Variants in ACVR1 observed in about 807,000 individuals in gnomAD.
ACVR1 encodes activin receptor type-1.
ACVR1 carries 38 observed loss-of-function variants against 57.1 expected under a neutral mutation model. The observed-to-expected ratio is 0.67, with a 90% CI of 0.51 to 0.87. The LOEUF is 0.87. ACVR1 is among the 40% of genes least tolerant of loss of function. The pLI, the probability that ACVR1 is intolerant of heterozygous loss-of-function variation, is 0.00. For synonymous variants in ACVR1, 212 were observed against 228.1 expected, an observed-to-expected ratio of 0.93 and a Z score of 0.63; for missense variants, 463 against 638.2, an observed-to-expected ratio of 0.73 and a Z score of 2.96.
chr2:157,796,417 G>C (rs1687126567), intron 3 of ACVR1, among the ~76,000 whole-genome samples: 1 of 150,006 alleles, frequency 6.7e-6, no homozygotes, highest in South Asian at 2.1e-4. Flanking sequence ...AGCTAGTTGT[G>C]GTGGCACAAG....
intron 9 of ACVR1, among the ~76,000 whole-genome samples, chr2:157,749,516 CA>C (rs895090277): frequency 2.6e-4 from 40 of 152,112 alleles, no homozygotes; most frequent in African/African-American, 9.2e-4. Context: ...CTTAACAAGT[CA>C]AAATACCTAG....
intron 1 of ACVR1, among the ~76,000 whole-genome samples, chr2:157,853,288 C>T (rs1689388339): frequency 6.6e-6 from 1 of 152,282 alleles, no homozygotes; most frequent in Non-Finnish European, 1.5e-5. Flanking sequence ...GATCAGGATG[C>T]CTAGTGTCAG....
chr2:157,822,948 T>G (rs1157182381), intron 1 of ACVR1, among the ~76,000 whole-genome samples: 2 of 152,228 alleles, frequency 1.3e-5, no homozygotes, highest in Non-Finnish European at 2.9e-5. Context: ...ATTTAAAGAC[T>G]CAGTTTACTT....
At chr2:157,760,754 G>A (rs923396216) in intron 9 of ACVR1, 126 bp downstream of exon 9, 8 of 890,364 alleles carry the variant, frequency 9.0e-6, no homozygotes, top group African/African-American at 1.7e-5. Flanking sequence ...AAATATGAAT[G>A]CCTATAACTC....
intron 9 of ACVR1, among the ~76,000 whole-genome samples, chr2:157,752,929 T>C (rs530084114): frequency 2.8e-4 from 42 of 152,226 alleles, no homozygotes; most frequent in African/African-American, 9.4e-4. Flanking sequence ...AGGCAACAGA[T>C]AGCATGATGA....
At chr2:157,738,667 G>A in intron 9 of ACVR1, 97 bp from the exon 10 acceptor site, 1 of 1,569,994 alleles carries the variant, frequency 6.4e-7, no homozygotes, top group Non-Finnish European at 8.8e-7. Flanking sequence ...TGTGACAGAA[G>A]AAAATACTAA....
chr2:157,852,079 T>TG, intron 1 of ACVR1, among the ~76,000 whole-genome samples: 1 of 152,240 alleles, frequency 6.6e-6, no homozygotes, highest in South Asian at 2.1e-4. Flanking sequence ...AAGGGGCTTA[T>TG]GAGAGGTATA....
intron 1 of ACVR1, among the ~76,000 whole-genome samples, chr2:157,842,555 G>A (rs111380062): frequency 1.4e-4 from 22 of 152,188 alleles, no homozygotes; most frequent in African/African-American, 1.9e-4. Context: ...TGTATCTCCC[G>A]CTGTCAGACT....
chr2:157,863,312 C>CTATAGAACA (rs1558854440), intron 1 of ACVR1, among the ~76,000 whole-genome samples: 1 of 127,434 alleles, frequency 7.8e-6, no homozygotes, highest in Non-Finnish European at 1.6e-5. Flanking sequence ...CATGCCCAGC[C>CTATAGAACA]TATAGAACAG....
intron 2 of ACVR1, among the ~76,000 whole-genome samples, chr2:157,809,898 G>GACCCC (rs1213094770): frequency 6.6e-6 from 1 of 151,970 alleles, no homozygotes; most frequent in Non-Finnish European, 1.5e-5. Context: ...AACACAGTGA[G>GACCCC]ACCCCATCTC....
At chr2:157,746,831 T>G (rs1253182828) in intron 9 of ACVR1, among the ~76,000 whole-genome samples, 1 of 152,178 alleles carries the variant, frequency 6.6e-6, no homozygotes, top group Non-Finnish European at 1.5e-5. Context: ...CAATTCCAAA[T>G]TCAATGTCAA....
At chr2:157,873,450 A>T (rs1267272281) in intron 1 of ACVR1, among the ~76,000 whole-genome samples, 1 of 152,220 alleles carries the variant, frequency 6.6e-6, no homozygotes, top group Non-Finnish European at 1.5e-5. Flanking sequence ...TTTTGCCACC[A>T]TCAGTGGTTT....
chr2:157,855,243 C>T (rs1382216910), intron 1 of ACVR1, among the ~76,000 whole-genome samples: 5 of 140,022 alleles, frequency 3.6e-5, no homozygotes, highest in Non-Finnish European at 7.6e-5. Context: ...ATGGTGAAAC[C>T]TCGTCTCTTA....
At chr2:157,837,562 A>G (rs1470775039) in intron 1 of ACVR1, among the ~76,000 whole-genome samples, 1 of 152,254 alleles carries the variant, frequency 6.6e-6, no homozygotes, top group Non-Finnish European at 1.5e-5. Context: ...AGAGCGGTAC[A>G]TCTGTGATAA....
In ACVR1 at chr2:157,740,470, C is replaced by T. The variant is rs185109012; in HGVS notation, c.1265-1900G>A. ...CATGGACCTAGAGAGATATTTTATG[C>T]GTTTTCTAGGGTCACAAGAATTTAC... On this transcript the variant is annotated intron_variant, in intron 9 of 10. Transcript: ENST00000434821. Among the ~76,000 whole-genome samples, 167 of 152,208 alleles carry T rather than the reference C, an allele frequency of 1.1e-3. 2 individuals carry two copies. Among genetic ancestry groups the T allele is most frequent in the Non-Finnish European group, 6.6e-4 (45 of 68,014 alleles).
At chr2:157,849,256 A>G (rs1171511112) in intron 1 of ACVR1, among the ~76,000 whole-genome samples, 1 of 152,240 alleles carries the variant, frequency 6.6e-6, no homozygotes, top group African/African-American at 2.4e-5. Context: ...TTCTGTACCT[A>G]TCACATTATC....
intron 1 of ACVR1, among the ~76,000 whole-genome samples, chr2:157,865,869 C>T (rs575410564): frequency 2.2e-5 from 3 of 133,562 alleles, no homozygotes; most frequent in African/African-American, 5.5e-5. Context: ...GATAGATTGA[C>T]TGATTGATTT....
chr2:157,831,169 G>A (rs1688569035), intron 1 of ACVR1, among the ~76,000 whole-genome samples: 1 of 152,104 alleles, frequency 6.6e-6, no homozygotes, highest in East Asian at 1.9e-4. Context: ...ATCACACTGG[G>A]AAGAAAAGAC....
chr2:157,823,804 G>A (rs1688237216), intron 1 of ACVR1, among the ~76,000 whole-genome samples: 1 of 152,146 alleles, frequency 6.6e-6, no homozygotes, highest in African/African-American at 2.4e-5. Flanking sequence ...CATCTGTCCA[G>A]CCAAAGATTC....
Sources: allele counts gnomAD v4.1 joint callset (sites outside exome capture counted in the v4.1 genomes callset), GRCh38; gene constraint gnomAD v4.1.1; transcripts MANE v1.5; gene names NCBI Gene and HGNC (gene_info 2026-07-23, HGNC 2026-07-21).